SLC24A2: variants seen among roughly 807,000 people sequenced by gnomAD.
SLC24A2 encodes solute carrier family 24 member 2.
In SLC24A2, 36 loss-of-function variants were observed where a neutral mutation model predicts 62.0. The ratio of observed to expected loss-of-function variants is 0.58; its 90% confidence interval spans 0.44 to 0.77. The LOEUF is 0.77. Ranked by LOEUF, SLC24A2 falls within the 30% of genes least tolerant of loss-of-function variation. SLC24A2 has a pLI of 0.00. For synonymous variants in SLC24A2, 358 were observed against 294.0 expected (o/e 1.22, Z -2.23); for missense variants, 846 against 817.9 (o/e 1.03, Z -0.42).
At chr9:19,955,547 A>G in the SLC24A2 span, among the ~76,000 whole-genome samples, 1 of 152,188 alleles carries the variant, frequency 6.6e-6, no homozygotes, top group South Asian at 2.1e-4. Flanking sequence ...ACAAGATACT[A>G]TCCAAAATAA....
At chr9:20,255,136 C>T in the SLC24A2 span, among the ~76,000 whole-genome samples, 1 of 152,170 alleles carries the variant, frequency 6.6e-6, no homozygotes, top group African/African-American at 2.4e-5. Flanking sequence ...TGAAATGTGA[C>T]CAAAGTTCAG....
chr9:19,759,310 T>C (rs1359822), intron 2 of SLC24A2, among the ~76,000 whole-genome samples: 103,025 of 152,022 alleles, frequency 0.68, 35,399 homozygotes, highest in Admixed American at 0.73. Flanking sequence ...CAACAGATGG[T>C]GCCCAGCATT....
the SLC24A2 span, among the ~76,000 whole-genome samples, chr9:19,984,575 A>T: frequency 1.3e-5 from 2 of 152,118 alleles, no homozygotes; most frequent in African/African-American, 4.8e-5. Context: ...GTGTGTTGGT[A>T]CATGCCTGTA....
At chr9:20,159,506 T>TA in the SLC24A2 span, among the ~76,000 whole-genome samples, 2 of 151,638 alleles carry the variant, frequency 1.3e-5, no homozygotes, top group Admixed American at 6.6e-5. Context: ...GATGGACTGA[T>TA]AGAGCATATA....
the SLC24A2 span, among the ~76,000 whole-genome samples, chr9:20,199,532 T>G: frequency 6.6e-6 from 1 of 152,140 alleles, no homozygotes; most frequent in Non-Finnish European, 1.5e-5. Flanking sequence ...TTTAATCCTT[T>G]TAGAGTGGGA....
At chr9:19,656,814 G>C (rs964338917) in intron 2 of SLC24A2, among the ~76,000 whole-genome samples, 4 of 152,106 alleles carry the variant, frequency 2.6e-5, no homozygotes, top group African/African-American at 9.7e-5. Context: ...TTTGCCTCCT[G>C]CTTCCCATCC....
At chr9:20,135,399 T>C in the SLC24A2 span, among the ~76,000 whole-genome samples, 35 of 151,976 alleles carry the variant, frequency 2.3e-4, no homozygotes, top group Non-Finnish European at 4.1e-4. Context: ...TCATTTTTAA[T>C]TACCTCAGTA....
the SLC24A2 span, among the ~76,000 whole-genome samples, chr9:20,134,970 GCAC>G: frequency 6.6e-6 from 1 of 152,094 alleles, no homozygotes; most frequent in Non-Finnish European, 1.5e-5. Context: ...TATTTCTCAG[GCAC>G]CACATTATGT....
chr9:19,519,229 T>C (rs1833077006), intron 10 of SLC24A2, among the ~76,000 whole-genome samples: 1 of 152,184 alleles, frequency 6.6e-6, no homozygotes, highest in African/African-American at 2.4e-5. Flanking sequence ...GCCTTCCAAG[T>C]AGATAAAACT....
intron 2 of SLC24A2, among the ~76,000 whole-genome samples, chr9:19,780,507 G>C (rs1822981729): frequency 6.6e-6 from 1 of 151,560 alleles, no homozygotes; most frequent in Non-Finnish European, 1.5e-5. Flanking sequence ...ACCTTGTGAT[G>C]CACCTGCCTC....
the SLC24A2 span, among the ~76,000 whole-genome samples, chr9:20,135,553 G>A: frequency 6.6e-6 from 1 of 151,984 alleles, no homozygotes; most frequent in Non-Finnish European, 1.5e-5. Flanking sequence ...GTCATTGTAA[G>A]TATTAACTGC....
At chr9:20,142,748 A>T in the SLC24A2 span, among the ~76,000 whole-genome samples, 1 of 152,288 alleles carries the variant, frequency 6.6e-6, no homozygotes, top group East Asian at 1.9e-4. Flanking sequence ...GGCACCTGCC[A>T]CCACGCCCAG....
chr9:19,520,207 A>G lies in SLC24A2; in HGVS notation c.1736+687T>C, dbSNP rs191017413. Among the ~76,000 whole-genome samples the G allele has an allele frequency of 1.2e-4, 18 of 152,322 alleles. No homozygotes were observed. The South Asian group carries it at 2.1e-3, about 18-fold the overall frequency. The stretch of plus-strand genomic sequence containing the variant: ...CCTGGGAACGTAAGGATAATGTCTT[A>G]TATCTTATTCTCTCAGGGTACTGAT... On this transcript the variant is annotated intron_variant, in intron 10 of 10. Transcript: ENST00000341998.
the SLC24A2 span, among the ~76,000 whole-genome samples, chr9:19,864,390 AC>A: frequency 6.6e-6 from 1 of 151,952 alleles, no homozygotes; most frequent in Admixed American, 6.6e-5. Flanking sequence ...ACAACAAAAA[AC>A]AAAAAACAAA....
the SLC24A2 span, among the ~76,000 whole-genome samples, chr9:20,290,244 G>T: frequency 1.3e-5 from 2 of 152,182 alleles, no homozygotes; most frequent in African/African-American, 4.8e-5. Flanking sequence ...TAGAAAACCC[G>T]ATTTAATACT....
the SLC24A2 span, among the ~76,000 whole-genome samples, chr9:19,977,760 T>A: frequency 6.6e-6 from 1 of 151,972 alleles, no homozygotes; most frequent in Non-Finnish European, 1.5e-5. Flanking sequence ...GGGGTGCATT[T>A]GAAGGTATTT....
Position 19,599,068 on chromosome 9 carries a change from C to T in SLC24A2, c.1079-1789G>A, listed in dbSNP as rs553024918. 2.6e-5 allele frequency among the ~76,000 whole-genome samples: 4 copies of T among 152,322 alleles called. No individual in the cohort carries two copies. The highest frequency in any genetic ancestry group is 2.1e-4 in the South Asian group (1 of 4,826). On this transcript the variant is annotated intron_variant, in intron 4 of 10. Transcript: ENST00000341998. The surrounding 1 kb of genome is among the most constrained non-coding windows in gnomAD (Gnocchi z 4.5). ...ATTTTTATGGATCCATTTTTGTAGA[C>T]GCAAACCTCTGTATGCACACACTTA...
intron 2 of SLC24A2, among the ~76,000 whole-genome samples, chr9:19,656,916 C>A (rs1818958851): frequency 6.6e-6 from 1 of 152,208 alleles, no homozygotes; most frequent in Non-Finnish European, 1.5e-5. Flanking sequence ...CCCCTCCCAC[C>A]TCCTCAGGGA....
the SLC24A2 span, among the ~76,000 whole-genome samples, chr9:19,921,932 A>G: frequency 6.6e-6 from 1 of 152,212 alleles, no homozygotes; most frequent in South Asian, 2.1e-4. Flanking sequence ...AGAAGTCTCT[A>G]TTGATGTAAG....
Sources: gnomAD v4.1 joint callset for allele counts (sites outside exome capture counted in the v4.1 genomes callset) on GRCh38, gnomAD v4.1.1 for gene constraint, Gnocchi (gnomAD v3.1) non-coding constraint, MANE v1.5 for transcripts, NCBI Gene and HGNC (gene_info 2026-07-23, HGNC 2026-07-21) for gene names.